The following ABHD17C variants were observed in gnomAD, a reference collection of about 807,000 sequenced individuals.
ABHD17C encodes the protein alpha/beta hydrolase domain-containing protein 17C.
In ABHD17C, 11 loss-of-function variants were observed where a neutral mutation model predicts 27.9. The ratio of observed to expected loss-of-function variants is 0.39; its 90% CI spans 0.25 to 0.65. The LOEUF is 0.65. Among genes scored for constraint, ABHD17C ranks in the 30% least tolerant of loss-of-function variants. The pLI, the probability that ABHD17C is intolerant of heterozygous loss-of-function variation, is 0.45. For synonymous variants in ABHD17C, 233 were observed against 209.1 expected (o/e 1.11, Z -0.98); for missense variants, 280 against 470.2 (o/e 0.60, Z 3.74).
intron 1 of ABHD17C, among the ~76,000 whole-genome samples, chr15:80,701,926 G>C (rs1894579088): frequency 6.6e-6 from 1 of 151,960 alleles, no homozygotes; most frequent in African/African-American, 2.4e-5. Flanking sequence ...GTCATACCTG[G>C]CTCTTCCGGC....
intron 1 of ABHD17C, among the ~76,000 whole-genome samples, chr15:80,745,088 G>A (rs955975847): frequency 2.0e-5 from 3 of 152,112 alleles, no homozygotes; most frequent in Non-Finnish European, 4.4e-5. Context: ...ATACATAAAA[G>A]TTCATAAAAT....
intron 1 of ABHD17C, among the ~76,000 whole-genome samples, chr15:80,717,539 G>A (rs1894823625): frequency 6.6e-6 from 1 of 151,836 alleles, no homozygotes; most frequent in Non-Finnish European, 1.5e-5. Context: ...GATTACAGAT[G>A]TGCACCACCA....
chr15:80,726,501 G>GTTTTTTTTTTTTTTTT lies in ABHD17C; in HGVS notation c.591-22999_591-22984dup, dbSNP rs10572505. 1.4e-4 allele frequency among the ~76,000 whole-genome samples: 13 copies of GTTTTTTTTTTTTTTTT among 94,496 alleles called. 1 individual carries two copies. The highest frequency in any genetic ancestry group is 6.9e-4 in the African/African-American group (13 of 18,712). 62.0% of individuals were successfully genotyped at this position (94,496 alleles called of 152,430 possible). On this transcript the variant is annotated intron_variant, in intron 1 of 2. Transcript: ENST00000258884. ...CCTTGGTTAATTGCTTCTTTTTCTG[G>GTTTTTTTTTTTTTTTT]TTTTTTTTTTTTTTTTTTTTTTTTT...
intron 1 of ABHD17C, among the ~76,000 whole-genome samples, chr15:80,745,616 C>T (rs1895271838): frequency 6.6e-6 from 1 of 152,100 alleles, no homozygotes; most frequent in Non-Finnish European, 1.5e-5. Flanking sequence ...ATCTTCCCAC[C>T]TTGGCCTTCC....
intron 1 of ABHD17C, among the ~76,000 whole-genome samples, chr15:80,744,647 A>G (rs1341656213): frequency 2.0e-5 from 3 of 152,222 alleles, no homozygotes; most frequent in East Asian, 3.8e-4. Flanking sequence ...TACTGACTCT[A>G]CACAAAAAGG....
intron 1 of ABHD17C, chr15:80,704,771 T>G: frequency 6.6e-6 from 1 of 152,238 alleles, no homozygotes. Context: ...CTGAGCTCCC[T>G]GTGTGACACA....
intron 1 of ABHD17C, among the ~76,000 whole-genome samples, chr15:80,707,476 A>G (rs1204923305): frequency 6.6e-6 from 1 of 152,152 alleles, no homozygotes; most frequent in Non-Finnish European, 1.5e-5. Context: ...AGAGCTGTCC[A>G]ATCTTTTGGC....
chr15:80,732,700 G>A (rs1895073437), intron 1 of ABHD17C, among the ~76,000 whole-genome samples: 1 of 152,192 alleles, frequency 6.6e-6, no homozygotes, highest in South Asian at 2.1e-4. Flanking sequence ...CATCAAGGAG[G>A]GGCCAAAGGG....
intron 1 of ABHD17C, among the ~76,000 whole-genome samples, chr15:80,697,521 A>C (rs912750231): frequency 6.6e-6 from 1 of 152,228 alleles, no homozygotes; most frequent in African/African-American, 2.4e-5. Flanking sequence ...CTGTGTGTGC[A>C]TGTCCACATT....
intron 1 of ABHD17C, among the ~76,000 whole-genome samples, chr15:80,736,150 C>G (rs184635697): frequency 6.6e-6 from 1 of 152,160 alleles, no homozygotes; most frequent in Non-Finnish European, 1.5e-5. Context: ...ACCAAAACAG[C>G]GGATACTTTA....
intron 1 of ABHD17C, among the ~76,000 whole-genome samples, chr15:80,715,042 A>G (rs537508362): frequency 9.9e-5 from 15 of 152,266 alleles, no homozygotes; most frequent in African/African-American, 2.6e-4. Flanking sequence ...CGGCCTCCCA[A>G]AGTGCTGGGA....
At chr15:80,728,653 G>A (rs1000553915) in intron 1 of ABHD17C, among the ~76,000 whole-genome samples, 2 of 152,182 alleles carry the variant, frequency 1.3e-5, no homozygotes, top group African/African-American at 2.4e-5. Context: ...CATCTAAGTC[G>A]ATGAAACCAG....
At chr15:80,743,816 G>A (rs193245377) in intron 1 of ABHD17C, among the ~76,000 whole-genome samples, 6 of 152,212 alleles carry the variant, frequency 3.9e-5, no homozygotes, top group East Asian at 3.9e-4. Flanking sequence ...CAAGGAGTTC[G>A]CACTCCTCGG....
intron 1 of ABHD17C, among the ~76,000 whole-genome samples, chr15:80,699,814 A>G (rs1236291834): frequency 6.6e-6 from 1 of 152,204 alleles, no homozygotes; most frequent in African/African-American, 2.4e-5. Context: ...GTTACTGAAA[A>G]GAGTGTAGCG....
chr15:80,740,513 C>G (rs1254530547), intron 1 of ABHD17C, among the ~76,000 whole-genome samples: 4 of 151,978 alleles, frequency 2.6e-5, no homozygotes, highest in Non-Finnish European at 5.9e-5. Context: ...GTAGGATGGT[C>G]AAGAGGTCAA....
chr15:80,747,620 A>G (rs1895308014), intron 1 of ABHD17C, among the ~76,000 whole-genome samples: 1 of 152,132 alleles, frequency 6.6e-6, no homozygotes, highest in African/African-American at 2.4e-5. Flanking sequence ...AAAACTGCCC[A>G]TGCTGACCAT....
intron 1 of ABHD17C, among the ~76,000 whole-genome samples, chr15:80,720,689 G>T (rs564629135): frequency 9.9e-5 from 15 of 152,266 alleles, no homozygotes; most frequent in Admixed American, 2.0e-4. Flanking sequence ...GGGAGGCCTA[G>T]GCAGGCGGAT....
intron 1 of ABHD17C, among the ~76,000 whole-genome samples, chr15:80,736,870 A>G (rs774456821): frequency 7.9e-5 from 12 of 152,224 alleles, no homozygotes; most frequent in Non-Finnish European, 1.8e-4. Context: ...CATTAAAACA[A>G]AAACAAACAG....
chr15:80,730,780 G>C (rs779932580), intron 1 of ABHD17C, among the ~76,000 whole-genome samples: 55 of 152,140 alleles, frequency 3.6e-4, no homozygotes, highest in Non-Finnish European at 7.4e-4. Flanking sequence ...TTTGTCTCTG[G>C]TTATTGCATT....
Sources: allele counts gnomAD v4.1 joint callset (sites outside exome capture counted in the v4.1 genomes callset), GRCh38; gene constraint gnomAD v4.1.1; transcripts MANE v1.5; gene names NCBI Gene and HGNC (gene_info 2026-07-23, HGNC 2026-07-21).